Variants in RET observed in about 807,000 individuals in gnomAD.
The protein encoded by RET is proto-oncogene tyrosine-protein kinase receptor Ret.
RET carries 19 observed loss-of-function variants against 118.3 expected under a neutral mutation model. The observed-to-expected ratio is 0.16, with a 90% CI of 0.11 to 0.24. The LOEUF is 0.24. Among genes scored for constraint, RET ranks in the 10% least tolerant of loss-of-function variants. The probability of loss-of-function intolerance (pLI) is 1.00; values close to 1 mark genes in which losing one functional copy is unlikely to be tolerated. For missense variants in RET, 1,219 were observed against 1,502.1 expected (o/e 0.81, Z 3.12); for synonymous variants, 597 against 644.1 (o/e 0.93, Z 1.11).
chr10:43,088,244 TG>T (rs1225718864), intron 1 of RET, among the ~76,000 whole-genome samples: 1 of 149,328 alleles, frequency 6.7e-6, no homozygotes, highest in African/African-American at 2.5e-5. Flanking sequence ...GTGGTGGTGA[TG>T]GTGGTGGTGG....
chr10:43,113,366 C>G (rs1412674741), intron 9 of RET, among the ~76,000 whole-genome samples, 190 bp from the exon 10 acceptor site: 1 of 152,160 alleles, frequency 6.6e-6, no homozygotes, highest in Non-Finnish European at 1.5e-5. Context: ...CTGGCTTCAC[C>G]CATGGCTTCA....
At chr10:43,086,668 G>T (rs557884921) in intron 1 of RET, among the ~76,000 whole-genome samples, 1 of 152,390 alleles carries the variant, frequency 6.6e-6, no homozygotes, top group Non-Finnish European at 1.5e-5. Flanking sequence ...CCCTAGGAAA[G>T]AAATTAATTA....
chr10:43,085,529 C>T (rs758080627), intron 1 of RET, among the ~76,000 whole-genome samples: 20 of 152,226 alleles, frequency 1.3e-4, no homozygotes, highest in Non-Finnish European at 2.6e-4. Flanking sequence ...CACCGTCTGC[C>T]CCTCGGCCCC....
Position 43,116,732 on chromosome 10 carries a change from G to GTACC in RET, c.2284+3_2284+6dup. ...ACGGTGGCCGTGAAGATGCTGAAAGGTACCTGCCAGGCACAGGCACAGTGC... is the reference window on the plus strand; with the variant it reads ...ACGGTGGCCGTGAAGATGCTGAAAGGTACCTACCTGCCAGGCACAGGCACAGTGC... On this transcript the variant is annotated splice_donor_variant, in intron 12 of 19. Transcript: ENST00000355710. LOFTEE classifies it high-confidence loss of function. 1 of 1,574,734 alleles carries GTACC rather than the reference G, an allele frequency of 6.4e-7. No homozygotes were observed.
intron 19 of RET, 65 bp from the exon 20 acceptor site, chr10:43,128,047 C>A: frequency 1.9e-6 from 3 of 1,574,742 alleles, no homozygotes; most frequent in Non-Finnish European, 2.6e-6. Flanking sequence ...TTGCCAAGGC[C>A]TTACTGTCTG....
At position 43,128,996 on chromosome 10, in the gene RET, CTCACAA is replaced by C; in HGVS notation, c.*728_*733del. 4.2e-6 allele frequency: 1 copy of C among 236,608 alleles called. No homozygotes were observed. 14.7% of individuals were successfully genotyped at this position (236,608 alleles called of 1,614,324 possible). A position where few individuals can be genotyped will look rare whatever the true frequency, so the allele number is the denominator to read the frequency against. ...TGGATGGTGGTATCAGGGAAGAGGG[CTCACAA>C]GACACATTTGTCCCCCGGGCCCACC... On this transcript the variant is annotated 3_prime_UTR_variant, in exon 20 of 20. Coordinates refer to ENST00000355710, the MANE Select transcript of RET (RefSeq NM_020975.6).
At chr10:43,079,044 C>T (rs1316658500) in intron 1 of RET, among the ~76,000 whole-genome samples, 1 of 152,216 alleles carries the variant, frequency 6.6e-6, no homozygotes, top group African/African-American at 2.4e-5. Context: ...CCCAGTGAGC[C>T]CCTCGGTGCT....
At chr10:43,117,518 C>T (rs1426829758) in intron 12 of RET, among the ~76,000 whole-genome samples, 2 of 152,228 alleles carry the variant, frequency 1.3e-5, no homozygotes, top group Non-Finnish European at 2.9e-5. Flanking sequence ...GACAACCTTT[C>T]AGGACAGAGG....
intron 1 of RET, among the ~76,000 whole-genome samples, chr10:43,094,807 C>T (rs1378786820): frequency 1.3e-5 from 2 of 152,330 alleles, no homozygotes; most frequent in African/African-American, 2.4e-5. Flanking sequence ...GCCCTATTGG[C>T]AGTGTGAGAA....
chr10:43,119,858 G>A (rs1838169408), intron 14 of RET, 113 bp downstream of exon 14: 10 of 1,307,102 alleles, frequency 7.7e-6, no homozygotes, highest in Non-Finnish European at 9.7e-6. Context: ...CCACACTCTA[G>A]CCCACCATGC....
chr10:43,094,091 TG>T (rs927385749), intron 1 of RET, among the ~76,000 whole-genome samples: 3 of 3,766 alleles, frequency 8.0e-4, no homozygotes, highest in African/African-American at 3.7e-3. Flanking sequence ...AGGGAAGCGG[TG>T]GGGGGGTGGG....
Position 43,117,661 on chromosome 10 carries a change from G to A in RET, c.2285-712G>A, listed in dbSNP as rs575804526. 2.0e-5 allele frequency among the ~76,000 whole-genome samples: 3 copies of A among 152,232 alleles called. No homozygotes were observed. In the South Asian group the frequency reaches 6.2e-4, roughly 32 times the overall value. On this transcript the variant is annotated intron_variant, in intron 12 of 19. Coordinates refer to ENST00000355710, the MANE Select transcript of RET (RefSeq NM_020975.6). ...TCCAGCACAGCTCTGGCCACCATCGGGACGCATGTGCTGGGCAGGTGATCC... is the reference window on the plus strand; with the variant it reads ...TCCAGCACAGCTCTGGCCACCATCGAGACGCATGTGCTGGGCAGGTGATCC...
rs191974370 is a variant in RET at position 43,130,308 on chromosome 10, G to A, written c.*2039G>A. The A allele has an allele frequency of 4.1e-4, 135 of 331,164 alleles. No individual in the cohort carries two copies. The highest frequency in any genetic ancestry group is 5.4e-4 in the Non-Finnish European group (99 of 184,470). 20.5% of individuals were successfully genotyped at this position (331,164 alleles called of 1,614,324 possible). A position where few individuals can be genotyped will look rare whatever the true frequency, so the allele number is the denominator to read the frequency against. ...ATGTTCCTTTTTTTGTAATCAAGGTGACTAAGAAAATCAGTTGTGTAAATA... is the reference window on the plus strand; with the variant it reads ...ATGTTCCTTTTTTTGTAATCAAGGTAACTAAGAAAATCAGTTGTGTAAATA... On this transcript the variant is annotated 3_prime_UTR_variant, in exon 20 of 20. Coordinates refer to ENST00000355710, the MANE Select transcript of RET (RefSeq NM_020975.6).
At chr10:43,126,883 A>G (rs774172959) in intron 19 of RET, 161 bp downstream of exon 19, 470 of 1,449,240 alleles carry the variant, frequency 3.2e-4, no homozygotes, top group Middle Eastern at 5.4e-4. Context: ...TCCAGTTTAC[A>G]TTTAGGCATT....
intron 1 of RET, among the ~76,000 whole-genome samples, chr10:43,088,530 G>C (rs917989853): frequency 1.3e-5 from 2 of 152,094 alleles, no homozygotes; most frequent in African/African-American, 4.8e-5. Context: ...AGAGGTGACG[G>C]TGATGTTGAT....
chr10:43,117,475 G>C (rs576087023), intron 12 of RET, among the ~76,000 whole-genome samples: 38 of 152,214 alleles, frequency 2.5e-4, no homozygotes, highest in Non-Finnish European at 4.6e-4. Flanking sequence ...AGGGGTCCTG[G>C]GGCCCCAACT....
At chr10:43,100,998 G>T (rs1588863016) in intron 2 of RET, among the ~76,000 whole-genome samples, 2 of 152,354 alleles carry the variant, frequency 1.3e-5, no homozygotes, top group Middle Eastern at 6.8e-3. Flanking sequence ...CTTCCAGTGG[G>T]GCTAAAAAGG....
At chr10:43,108,672 C>T (rs1189481705) in intron 5 of RET, among the ~76,000 whole-genome samples, 2 of 152,150 alleles carry the variant, frequency 1.3e-5, no homozygotes, top group South Asian at 4.1e-4. Flanking sequence ...CACACAGGCA[C>T]CAATACCCTA....
At position 43,112,854 on chromosome 10, in the gene RET, G is replaced by A. The variant is rs2132812818; in HGVS notation, c.1650G>A (p.Gly550=). ...RCEWRQGDGK[G]ITRNFSTCSP... ...CAGCCTGCTGTGTGTCCTGTGCAGG[G>A]ATCACCAGGAACTTCTCCACCTGCT... Residue 550 remains glycine, a splice_region_variant and synonymous_variant, in exon 9 of 20, where the codon GGG becomes GGA. Coordinates refer to ENST00000355710, the MANE Select transcript of RET (RefSeq NM_020975.6). 1 of 1,613,112 alleles carries A rather than the reference G, an allele frequency of 6.2e-7. No homozygotes were observed. Among genetic ancestry groups the A allele is most frequent in the Non-Finnish European group, 8.5e-7 (1 of 1,179,220 alleles).
Sources: allele counts gnomAD v4.1 joint callset (sites outside exome capture counted in the v4.1 genomes callset), GRCh38; gene constraint gnomAD v4.1.1; transcripts MANE v1.5; gene names NCBI Gene and HGNC (gene_info 2026-07-23, HGNC 2026-07-21).